Variants in GABRB1 observed in about 807,000 individuals in gnomAD.
The protein encoded by GABRB1 is gamma-aminobutyric acid receptor subunit beta-1.
A neutral mutation model predicts 51.6 loss-of-function variants in GABRB1; 17 were observed. That is an observed-to-expected ratio of 0.33 (90% CI 0.23 to 0.49). The LOEUF (loss-of-function observed/expected upper bound fraction) is 0.49. Among genes scored for constraint, GABRB1 ranks in the 20% least tolerant of loss-of-function variants. The probability of loss-of-function intolerance (pLI) is 0.99; values close to 1 mark genes in which losing one functional copy is unlikely to be tolerated. For missense variants in GABRB1, 410 were observed against 600.6 expected (o/e 0.68, Z 3.32); for synonymous variants, 247 against 218.9 (o/e 1.13, Z -1.14).
intron 4 of GABRB1, among the ~76,000 whole-genome samples, chr4:47,233,903 A>G (rs1482950876): frequency 6.6e-6 from 1 of 152,230 alleles, no homozygotes; most frequent in Non-Finnish European, 1.5e-5. Flanking sequence ...TACAATAAAC[A>G]TCATTAACCT....
intron 4 of GABRB1, among the ~76,000 whole-genome samples, chr4:47,186,196 A>C (rs530723849): frequency 6.7e-6 from 1 of 149,756 alleles, no homozygotes; most frequent in African/African-American, 2.4e-5. Flanking sequence ...TCAGTTTCAT[A>C]AAGTCAAGGC....
At chr4:47,291,375 G>A (rs1473907260) in intron 4 of GABRB1, among the ~76,000 whole-genome samples, 7 of 152,222 alleles carry the variant, frequency 4.6e-5, no homozygotes, top group Admixed American at 4.6e-4. Context: ...CAGGGTTGAG[G>A]CCTTCATGGA....
At chr4:47,084,769 T>C (rs1440043586) in intron 3 of GABRB1, among the ~76,000 whole-genome samples, 2 of 152,138 alleles carry the variant, frequency 1.3e-5, no homozygotes, top group Non-Finnish European at 2.9e-5. Flanking sequence ...CAGGTACCCA[T>C]AGTGTTCCTC....
chr4:47,339,364 A>G lies in GABRB1; in HGVS notation c.544+19155A>G, dbSNP rs78876303. Among the ~76,000 whole-genome samples the G allele has an allele frequency of 5.7e-3, 873 of 152,324 alleles. 6 individuals carry two copies. The highest frequency in any genetic ancestry group is 0.02 in the African/African-American group (822 of 41,578). On this transcript the variant is annotated intron_variant, in intron 5 of 8. Transcript: ENST00000295454. The stretch of plus-strand genomic sequence containing the variant: ...CATTGAGCTGTTGAAAGCTCTGTTC[A>G]GTGCCAGCAAGAAACTCAACAATTC...
intron 3 of GABRB1, among the ~76,000 whole-genome samples, chr4:47,074,131 A>G (rs1331867280): frequency 6.6e-6 from 1 of 152,172 alleles, no homozygotes. Flanking sequence ...TGGTATCTTA[A>G]CCAATGTTTT....
intron 3 of GABRB1, among the ~76,000 whole-genome samples, chr4:47,111,130 G>T (rs1232758907): frequency 6.6e-6 from 1 of 152,178 alleles, no homozygotes; most frequent in African/African-American, 2.4e-5. Flanking sequence ...TCTGTGTGCA[G>T]AACTGGAAGC....
At chr4:47,184,929 C>A (rs1319369146) in intron 4 of GABRB1, among the ~76,000 whole-genome samples, 1 of 151,768 alleles carries the variant, frequency 6.6e-6, no homozygotes, top group Non-Finnish European at 1.5e-5. Flanking sequence ...CAGGGGTCCC[C>A]TTTTTTATCT....
chr4:47,299,305 C>G (rs1451161870), intron 4 of GABRB1, among the ~76,000 whole-genome samples: 1 of 152,004 alleles, frequency 6.6e-6, no homozygotes, highest in Non-Finnish European at 1.5e-5. Flanking sequence ...AACAGGCAAC[C>G]TACAAAATGG....
At chr4:47,014,912 T>G (rs1003186713) in intron 1 of GABRB1, among the ~76,000 whole-genome samples, 5 of 152,076 alleles carry the variant, frequency 3.3e-5, no homozygotes, top group Admixed American at 1.3e-4. Flanking sequence ...ATTTATTTAT[T>G]TATTTATTTA....
chr4:47,175,401 C>T (rs1043120590), intron 4 of GABRB1, among the ~76,000 whole-genome samples: 1 of 151,924 alleles, frequency 6.6e-6, no homozygotes, highest in African/African-American at 2.4e-5. Flanking sequence ...TTTCTTTTTC[C>T]TACAATGCAC....
chr4:47,426,128 C>T lies in GABRB1; in HGVS notation c.*110C>T, dbSNP rs897903968. On this transcript the variant is annotated 3_prime_UTR_variant, in exon 9 of 9. Coordinates refer to ENST00000295454, the MANE Select transcript of GABRB1 (RefSeq NM_000812.4). The stretch of plus-strand genomic sequence containing the variant: ...TTCTCGAGGTAAGAGATTCAGCCAT[C>T]CAATTGGTTTTAGGTCTTGCATATC... 1.1e-6 allele frequency: 1 copy of T among 911,266 alleles called. No individual in the cohort carries two copies. Among genetic ancestry groups the T allele is most frequent in the African/African-American group, 1.7e-5 (1 of 59,600 alleles). The allele number at this position is 911,266 out of a possible 1,614,324, so 56.4% of individuals were successfully genotyped here. A position where few individuals can be genotyped will look rare whatever the true frequency, so the allele number is the denominator to read the frequency against.
intron 5 of GABRB1, among the ~76,000 whole-genome samples, chr4:47,343,971 C>T (rs1725996794): frequency 6.6e-6 from 1 of 152,148 alleles, no homozygotes; most frequent in African/African-American, 2.4e-5. Context: ...TTTTTAATCT[C>T]TGTACAACAT....
At chr4:47,048,209 TC>T (rs1726183813) in intron 3 of GABRB1, among the ~76,000 whole-genome samples, 2 of 152,090 alleles carry the variant, frequency 1.3e-5, no homozygotes, top group South Asian at 4.2e-4. Context: ...ATTTATTCAG[TC>T]ATAACCACAC....
chr4:47,304,856 C>T (rs1724388031), intron 4 of GABRB1, among the ~76,000 whole-genome samples: 1 of 151,982 alleles, frequency 6.6e-6, no homozygotes, highest in African/African-American at 2.4e-5. Flanking sequence ...TGACACTAAT[C>T]AAAATGATGT....
chr4:47,070,802 T>G (rs566345237), intron 3 of GABRB1, among the ~76,000 whole-genome samples: 1 of 152,294 alleles, frequency 6.6e-6, no homozygotes, highest in East Asian at 1.9e-4. Flanking sequence ...CTTTTCTGTT[T>G]TCCACCTACT....
intron 5 of GABRB1, among the ~76,000 whole-genome samples, chr4:47,384,868 A>T (rs1727731943): frequency 6.6e-6 from 1 of 152,192 alleles, no homozygotes; most frequent in African/African-American, 2.4e-5. Context: ...ATTTTTTAAA[A>T]TAAAGCAATG....
Position 47,426,187 on chromosome 4 carries a change from G to C in GABRB1, c.*169G>C. 2.0e-6 allele frequency: 1 copy of C among 497,430 alleles called. No individual in the cohort carries two copies. The highest frequency in any genetic ancestry group is 4.2e-4 in the Middle Eastern group (1 of 2,384). The allele number at this position is 497,430 out of a possible 1,614,324, so 30.8% of individuals were successfully genotyped here. ...TACTGCACCATGTTTACTTCAAAAAGACAAAACAAAAAAAAAATTATTTTT... is the reference window on the plus strand; with the variant it reads ...TACTGCACCATGTTTACTTCAAAAACACAAAACAAAAAAAAAATTATTTTT... On this transcript the variant is annotated 3_prime_UTR_variant, in exon 9 of 9. Transcript: ENST00000295454.
chr4:47,077,271 C>T (rs114978900), intron 3 of GABRB1, among the ~76,000 whole-genome samples: 5,958 of 152,070 alleles, frequency 0.039, 154 homozygotes, highest in South Asian at 0.11. Context: ...ATTTACACAC[C>T]CTTATTCCTT....
At chr4:47,130,116 T>TC (rs1377034585) in intron 3 of GABRB1, among the ~76,000 whole-genome samples, 2 of 152,138 alleles carry the variant, frequency 1.3e-5, no homozygotes, top group African/African-American at 2.4e-5. Context: ...TAGCATTTGC[T>TC]CCCCCACATT....
Sources: gnomAD v4.1 joint callset for allele counts (sites outside exome capture counted in the v4.1 genomes callset) on GRCh38, gnomAD v4.1.1 for gene constraint, MANE v1.5 for transcripts, NCBI Gene and HGNC (gene_info 2026-07-23, HGNC 2026-07-21) for gene names.